The following MANBA variants were observed in gnomAD, a reference collection of about 807,000 sequenced individuals.
MANBA encodes the protein beta-mannosidase.
MANBA carries 83 observed loss-of-function variants against 111.1 expected under a neutral mutation model. That is an observed-to-expected ratio of 0.75 (90% CI 0.63 to 0.90). The LOEUF is 0.90. MANBA is among the 40% of genes least tolerant of loss of function. The probability of loss-of-function intolerance (pLI) is 0.00; values close to 1 mark genes in which losing one functional copy is unlikely to be tolerated. For synonymous variants in MANBA, 370 were observed against 378.7 expected (o/e 0.98, Z 0.27); for missense variants, 1,036 against 1,069.0 (o/e 0.97, Z 0.43).
At chr4:102,732,135 T>A (rs1052388984) in intron 1 of MANBA, among the ~76,000 whole-genome samples, 4 of 152,174 alleles carry the variant, frequency 2.6e-5, no homozygotes, top group African/African-American at 9.7e-5. Context: ...GGTCTCGAAC[T>A]CCTGACCTCA....
chr4:102,680,267 A>C (rs1310719172), intron 7 of MANBA, among the ~76,000 whole-genome samples: 1 of 152,178 alleles, frequency 6.6e-6, no homozygotes, highest in Non-Finnish European at 1.5e-5. Flanking sequence ...TTGGTATTTC[A>C]CTGTACATTG....
intron 5 of MANBA, among the ~76,000 whole-genome samples, chr4:102,714,124 G>A (rs1386942025): frequency 6.6e-6 from 1 of 152,054 alleles, no homozygotes; most frequent in Non-Finnish European, 1.5e-5. Flanking sequence ...CAGCAAAAAG[G>A]AGCACAGCCA....
At chr4:102,709,259 G>A (rs1177774136) in intron 5 of MANBA, among the ~76,000 whole-genome samples, 2 of 127,214 alleles carry the variant, frequency 1.6e-5, no homozygotes, top group Non-Finnish European at 3.3e-5. Context: ...AAGAAAGAAA[G>A]AGAGAGAGAG....
intron 11 of MANBA, among the ~76,000 whole-genome samples, chr4:102,662,119 T>C (rs1398757482): frequency 6.6e-6 from 1 of 152,202 alleles, no homozygotes; most frequent in African/African-American, 2.4e-5. Context: ...AAGAAGCTAA[T>C]TTTTTAAAGC....
At chr4:102,649,511 T>C (rs1206291058) in intron 13 of MANBA, among the ~76,000 whole-genome samples, 1 of 152,184 alleles carries the variant, frequency 6.6e-6, no homozygotes, top group Non-Finnish European at 1.5e-5. Flanking sequence ...TACAACAAGA[T>C]TGGGCACATT....
Sources: gnomAD v4.1 joint callset for allele counts (sites outside exome capture counted in the v4.1 genomes callset) on GRCh38, gnomAD v4.1.1 for gene constraint, MANE v1.5 for transcripts, NCBI Gene and HGNC (gene_info 2026-07-23, HGNC 2026-07-21) for gene names.